Variants in ROCK2 observed in about 807,000 individuals in gnomAD.
ROCK2 encodes the protein Rho associated coiled-coil containing protein kinase 2, also known as rho-associated protein kinase 2.
Under a neutral mutation model 195.1 loss-of-function variants are expected in ROCK2, and 61 were observed. The ratio of observed to expected loss-of-function variants is 0.31; its 90% confidence interval spans 0.25 to 0.39. The LOEUF is 0.39. Ranked by LOEUF, ROCK2 falls within the 10% of genes least tolerant of loss-of-function variation. The probability of loss-of-function intolerance (pLI) is 1.00; values close to 1 mark genes in which losing one functional copy is unlikely to be tolerated. For missense variants in ROCK2, 1,109 were observed against 1,637.4 expected, an observed-to-expected ratio of 0.68 and a Z score of 5.57; for synonymous variants, 504 against 545.5, an observed-to-expected ratio of 0.92 and a Z score of 1.06.
chr2:11,275,501 T>G (rs1245189991), intron 3 of ROCK2, among the ~76,000 whole-genome samples: 2 of 151,986 alleles, frequency 1.3e-5, no homozygotes, highest in Non-Finnish European at 2.9e-5. Flanking sequence ...CTCAACAAAT[T>G]ACTAGCAAAC....
intron 13 of ROCK2, 119 bp downstream of exon 13, chr2:11,216,039 T>C (rs1664414013): frequency 1.3e-6 from 1 of 764,346 alleles, no homozygotes; most frequent in Non-Finnish European, 2.3e-6. Context: ...TATCCACCAA[T>C]ACTACAAGGT....
rs1271096562 is a variant in ROCK2, at chr2:11,340,839, AAG to A, written c.141+3155_141+3156del. On this transcript the variant is annotated intron_variant, in intron 1 of 32. Coordinates refer to ENST00000315872, the MANE Select transcript of ROCK2 (RefSeq NM_004850.5). ...TTGCCCATCCACACAAGTCTTAAGT[AAG>A]AGTTTACCCAAGCGTGAGTCCTACA... 3.3e-5 allele frequency among the ~76,000 whole-genome samples: 5 copies of A among 152,330 alleles called. No homozygotes were observed. In the South Asian group the frequency reaches 1.0e-3, roughly 32 times the overall value.
At chr2:11,198,349 G>C in intron 25 of ROCK2, 142 bp downstream of exon 25, 1 of 592,216 alleles carries the variant, frequency 1.7e-6, no homozygotes, top group South Asian at 2.4e-5. Flanking sequence ...CTCTCAACCT[G>C]GCAAAAATCA....
intron 17 of ROCK2, among the ~76,000 whole-genome samples, chr2:11,212,740 A>C (rs1177154954): frequency 6.6e-6 from 1 of 152,070 alleles, no homozygotes; most frequent in African/African-American, 2.4e-5. Context: ...CCAACAGAGT[A>C]ATCTACTCTG....
intron 1 of ROCK2, among the ~76,000 whole-genome samples, chr2:11,316,489 C>G (rs1332907021): frequency 6.6e-6 from 1 of 151,948 alleles, no homozygotes; most frequent in African/African-American, 2.4e-5. Context: ...TTCATGTACT[C>G]CAAAAAAGGA....
chr2:11,286,890 T>C (rs1272947231), intron 2 of ROCK2, among the ~76,000 whole-genome samples: 1 of 152,202 alleles, frequency 6.6e-6, no homozygotes, highest in Non-Finnish European at 1.5e-5. Context: ...ATTCTGTTTC[T>C]GATTCTGTTG....
At chr2:11,210,632 T>A (rs1664217236) in intron 18 of ROCK2, among the ~76,000 whole-genome samples, 1 of 152,206 alleles carries the variant, frequency 6.6e-6, no homozygotes, top group African/African-American at 2.4e-5. Context: ...TGAGCCACCA[T>A]GCCTAGCCTG....
chr2:11,243,738 G>GA (rs1425224967), intron 4 of ROCK2, among the ~76,000 whole-genome samples: 2 of 152,132 alleles, frequency 1.3e-5, no homozygotes, highest in Admixed American at 6.5e-5. Context: ...AAGAGCCCAG[G>GA]AAGACACGAT....
intron 18 of ROCK2, among the ~76,000 whole-genome samples, chr2:11,210,489 C>T (rs1011127303): frequency 6.6e-6 from 1 of 151,818 alleles, no homozygotes; most frequent in Admixed American, 6.6e-5. Flanking sequence ...TATAGGCGCA[C>T]GCGACTACAT....
At chr2:11,253,989 G>C (rs1366253795) in intron 3 of ROCK2, among the ~76,000 whole-genome samples, 1 of 152,164 alleles carries the variant, frequency 6.6e-6, no homozygotes, top group African/African-American at 2.4e-5. Context: ...CTTTAATAGA[G>C]AAAGTTTTGC....
chr2:11,188,096 G>C (rs1663264074), intron 32 of ROCK2, among the ~76,000 whole-genome samples: 1 of 148,584 alleles, frequency 6.7e-6, no homozygotes, highest in African/African-American at 2.5e-5. Context: ...AGCCAAACTG[G>C]TATATAATTT....
At chr2:11,227,664 G>A (rs1245669334) in intron 5 of ROCK2, among the ~76,000 whole-genome samples, 3 of 152,134 alleles carry the variant, frequency 2.0e-5, no homozygotes, top group African/African-American at 7.2e-5. Flanking sequence ...TTGGTAAAAT[G>A]GAGATTCCAT....
At chr2:11,207,605 GAAAT>G (rs1397256136) in intron 20 of ROCK2, 117 bp downstream of exon 20, 2 of 708,030 alleles carry the variant, frequency 2.8e-6, no homozygotes, top group East Asian at 5.6e-5. Context: ...TACCTGTACA[GAAAT>G]AAATAGAAAA....
In ROCK2 at chr2:11,212,762, A is replaced by G. The variant is rs138991524; in HGVS notation, c.2044-922T>C. Among the ~76,000 whole-genome samples the G allele has an allele frequency of 1.1e-3, 155 of 147,162 alleles. 1 individual carries two copies. The highest frequency in any genetic ancestry group is 3.7e-3 in the African/African-American group (148 of 39,604). ...AGTAATCTACTCTGTCCTAAAAAAG[A>G]AAAAAAAAAATCACTACTTCACACA... On this transcript the variant is annotated intron_variant, in intron 17 of 32. Transcript: ENST00000315872.
intron 1 of ROCK2, among the ~76,000 whole-genome samples, chr2:11,296,945 A>G (rs1281295161): frequency 6.6e-6 from 1 of 152,116 alleles, no homozygotes; most frequent in Non-Finnish European, 1.5e-5. Context: ...AGTAATTTTC[A>G]GTCTTATTTT....
intron 30 of ROCK2, among the ~76,000 whole-genome samples, chr2:11,193,380 G>A (rs1663505749): frequency 6.6e-6 from 1 of 151,982 alleles, no homozygotes; most frequent in Non-Finnish European, 1.5e-5. Flanking sequence ...TTAAATCGGA[G>A]GTAAAAGGGC....
intron 20 of ROCK2, among the ~76,000 whole-genome samples, chr2:11,204,488 A>C (rs1663977839): frequency 6.6e-6 from 1 of 151,860 alleles, no homozygotes; most frequent in South Asian, 2.1e-4. Flanking sequence ...CAGCTAGGGG[A>C]AATTCTTCTC....
intron 3 of ROCK2, 46 bp from the exon 4 acceptor site, chr2:11,249,844 G>A (rs754526804): frequency 7.2e-7 from 1 of 1,385,290 alleles, no homozygotes; most frequent in Non-Finnish European, 9.4e-7. Flanking sequence ...CATGTTATGA[G>A]AGAAAGGTAA....
rs1006345066 is a variant in ROCK2 at position 11,344,610 on chromosome 2, C to G, written c.-474G>C. On this transcript the variant is annotated 5_prime_UTR_variant, in exon 1 of 33. Coordinates refer to ENST00000315872, the MANE Select transcript of ROCK2 (RefSeq NM_004850.5). The surrounding 1 kb of genome is among the most constrained non-coding windows in gnomAD (Gnocchi z 5.4). The stretch of plus-strand genomic sequence containing the variant: ...GCAGTCCCTCAGCCAGCTCCCGGCG[C>G]ACACACTCCCGCGCGGCCGCCCGTC... The G allele has an allele frequency of 3.7e-6, 1 of 271,966 alleles. No homozygotes were observed. The highest frequency in any genetic ancestry group is 5.5e-6 in the Non-Finnish European group (1 of 180,906). The allele number at this position is 271,966 out of a possible 1,614,324, so 16.8% of individuals were successfully genotyped here.
Sources: allele counts gnomAD v4.1 joint callset (sites outside exome capture counted in the v4.1 genomes callset), GRCh38; gene constraint gnomAD v4.1.1; non-coding constraint Gnocchi (gnomAD v3.1); transcripts MANE v1.5; gene names NCBI Gene and HGNC (gene_info 2026-07-23, HGNC 2026-07-21).